The following ADGRB1 variants were observed in gnomAD, a reference collection of about 807,000 sequenced individuals.
The protein encoded by ADGRB1 is adhesion G protein-coupled receptor B1.
In ADGRB1, 36 loss-of-function variants were observed where a neutral mutation model predicts 175.7. That is an observed-to-expected ratio of 0.20 (90% CI 0.16 to 0.27). ADGRB1 has a LOEUF of 0.27. Ranked by LOEUF, ADGRB1 falls within the 10% of genes least tolerant of loss-of-function variation. The pLI is 1.00. For synonymous variants in ADGRB1, 1,054 were observed against 979.4 expected (o/e 1.08, Z -1.42); for missense variants, 1,731 against 2,255.3 (o/e 0.77, Z 4.71).
rs1016775282 is a variant in ADGRB1 at position 142,539,583 on chromosome 8, G to A, written c.3706+170G>A. The A allele has an allele frequency of 5.4e-5, 43 of 802,896 alleles. No homozygotes were observed. In the Middle Eastern group the frequency reaches 1.3e-3, roughly 24 times the overall value. 49.7% of individuals were successfully genotyped at this position (802,896 alleles called of 1,614,324 possible). A position where few individuals can be genotyped will look rare whatever the true frequency, so the allele number is the denominator to read the frequency against. ...ACCTGGACCCAGGGGACCTGCCCTGGGGGCCCAGCCTTCCACCCCCGTCCA... is the reference window on the plus strand; with the variant it reads ...ACCTGGACCCAGGGGACCTGCCCTGAGGGCCCAGCCTTCCACCCCCGTCCA... On this transcript the variant is annotated intron_variant, in intron 27 of 30. Coordinates refer to ENST00000517894, the MANE Select transcript of ADGRB1 (RefSeq NM_001702.3).
At chr8:142,524,717 C>A (rs537887071) in intron 23 of ADGRB1, among the ~76,000 whole-genome samples, 1 of 152,116 alleles carries the variant, frequency 6.6e-6, no homozygotes, top group Non-Finnish European at 1.5e-5. Context: ...CTGGTGACCG[C>A]GGCTGCTTGC....
chr8:142,510,915 GTC>G lies in ADGRB1; in HGVS notation c.2676-16_2676-15del. ...GACGCTCCGCCTGTCTCCCTCCCGT[GTC>G]CCGCCCGCCCCCAGACCCTCCTCCT... On this transcript the variant is annotated splice_polypyrimidine_tract_variant and intron_variant, in intron 17 of 30. Transcript: ENST00000517894. This position sits in a 1 kb window ranked among gnomAD's most constrained non-coding sequence, Gnocchi z 6.3. The G allele has an allele frequency of 9.4e-7, 1 of 1,061,640 alleles. No homozygotes were observed. The highest frequency in any genetic ancestry group is 1.2e-6 in the Non-Finnish European group (1 of 868,658). 65.8% of individuals were successfully genotyped at this position (1,061,640 alleles called of 1,614,324 possible). A position where few individuals can be genotyped will look rare whatever the true frequency, so the allele number is the denominator to read the frequency against.
chr8:142,532,670 T>G (rs796757553), intron 24 of ADGRB1, among the ~76,000 whole-genome samples: 11 of 152,094 alleles, frequency 7.2e-5, no homozygotes, highest in African/African-American at 2.4e-4. Context: ...CCTCTAAGCT[T>G]CTCTCTCTCC....
intron 27 of ADGRB1, among the ~76,000 whole-genome samples, chr8:142,541,400 G>C (rs954677100): frequency 6.6e-6 from 1 of 152,150 alleles, no homozygotes; most frequent in Admixed American, 6.5e-5. Flanking sequence ...CCTCAGGGCA[G>C]AGCAGGGAGG....
At chr8:142,535,699 T>C (rs1356082996) in intron 25 of ADGRB1, among the ~76,000 whole-genome samples, 1 of 151,960 alleles carries the variant, frequency 6.6e-6, no homozygotes, top group East Asian at 1.9e-4. Flanking sequence ...GGCTCGGGTG[T>C]TCCTGGAGAG....
chr8:142,526,515 A>ACC, intron 23 of ADGRB1, 27 bp from the exon 24 acceptor site: 2 of 555,460 alleles, frequency 3.6e-6, no homozygotes, highest in Non-Finnish European at 5.2e-6. Flanking sequence ...CCCCACCCCC[A>ACC]CACCCCCACC....
In ADGRB1 at chr8:142,543,812, A is replaced by G. The variant is rs1845429787; in HGVS notation, c.4557+104A>G. 8 of 1,140,300 alleles carry G rather than the reference A, an allele frequency of 7.0e-6. No homozygotes were observed. The South Asian group carries it at 9.6e-5, about 14-fold the overall frequency. The allele number at this position is 1,140,300 out of a possible 1,614,324, so 70.6% of individuals were successfully genotyped here. On this transcript the variant is annotated intron_variant, in intron 30 of 30. Coordinates refer to ENST00000517894, the MANE Select transcript of ADGRB1 (RefSeq NM_001702.3). This position sits in a 1 kb window ranked among gnomAD's most constrained non-coding sequence, Gnocchi z 4.4. Reference sequence around the variant, plus strand: ...ACTTCATCCATCCATCCATCCATCCATCCATTCGTTCATTCATTCATTCAT... The same window carrying G: ...ACTTCATCCATCCATCCATCCATCCGTCCATTCGTTCATTCATTCATTCAT...
chr8:142,471,050 G>A (rs1840635539), intron 2 of ADGRB1, among the ~76,000 whole-genome samples: 1 of 152,190 alleles, frequency 6.6e-6, no homozygotes, highest in South Asian at 2.1e-4. Context: ...TGGTGACAGG[G>A]AGCACCGAGG....
intron 1 of ADGRB1, among the ~76,000 whole-genome samples, 173 bp downstream of exon 1, chr8:142,450,277 C>G (rs1839260462): frequency 1.3e-5 from 2 of 151,574 alleles, no homozygotes; most frequent in Admixed American, 6.6e-5. Context: ...ACCCCCTACC[C>G]CCTCAGCCCC....
At chr8:142,489,814 C>T (rs1384568597) in intron 16 of ADGRB1, among the ~76,000 whole-genome samples, 5 of 152,128 alleles carry the variant, frequency 3.3e-5, no homozygotes, top group Admixed American at 1.3e-4. Flanking sequence ...CTGCCGGCAC[C>T]GCCAGGACTG....
At chr8:142,477,671 A>C (rs1462615278) in intron 6 of ADGRB1, 122 bp downstream of exon 6, 2 of 1,314,512 alleles carry the variant, frequency 1.5e-6, no homozygotes, top group African/African-American at 3.0e-5. Flanking sequence ...GGGTGCTCAG[A>C]GGTTGGAACC....
chr8:142,530,591 G>A (rs1329451110), intron 24 of ADGRB1, among the ~76,000 whole-genome samples: 1 of 152,208 alleles, frequency 6.6e-6, no homozygotes, highest in Non-Finnish European at 1.5e-5. Flanking sequence ...TCGGGGCGAG[G>A]CTAGCCTGGG....
intron 25 of ADGRB1, 34 bp downstream of exon 25, chr8:142,533,500 T>G (rs1280225634): frequency 6.4e-7 from 1 of 1,559,862 alleles, no homozygotes; most frequent in Admixed American, 1.8e-5. Flanking sequence ...GCCGGGCTCC[T>G]GCGGGGTCCT....
chr8:142,496,743 G>A (rs757914484), intron 17 of ADGRB1, among the ~76,000 whole-genome samples: 2 of 152,154 alleles, frequency 1.3e-5, no homozygotes, highest in Non-Finnish European at 2.9e-5. Flanking sequence ...AGTACAAGCC[G>A]GGCCACAGAC....
rs981635413 is a variant in ADGRB1 at position 142,543,923 on chromosome 8, T to C, written c.4557+215T>C. Among the ~76,000 whole-genome samples, 3 of 152,122 alleles carry C rather than the reference T, an allele frequency of 2.0e-5. No individual in the cohort carries two copies. The highest frequency in any genetic ancestry group is 1.5e-5 in the Non-Finnish European group (1 of 68,012). ...ACTGGGAGCTGAGCGGTCACGAGCC[T>C]GCTCCTGGGGCCAGGGGTCTGGATT... is the stretch of plus-strand genomic sequence containing the variant. On this transcript the variant is annotated intron_variant, in intron 30 of 30. Coordinates refer to ENST00000517894, the MANE Select transcript of ADGRB1 (RefSeq NM_001702.3). This position sits in a 1 kb window ranked among gnomAD's most constrained non-coding sequence, Gnocchi z 4.4.
chr8:142,453,459 C>T (rs1206788752), intron 1 of ADGRB1, among the ~76,000 whole-genome samples: 1 of 152,138 alleles, frequency 6.6e-6, no homozygotes, highest in African/African-American at 2.4e-5. Flanking sequence ...ATTGTTAACC[C>T]CTCCGGGCCC....
chr8:142,457,807 C>T (rs918579816), intron 1 of ADGRB1, among the ~76,000 whole-genome samples: 5 of 152,168 alleles, frequency 3.3e-5, no homozygotes, highest in African/African-American at 1.2e-4. Context: ...TGGCTCTGAA[C>T]CCCTGAGACA....
intron 17 of ADGRB1, among the ~76,000 whole-genome samples, chr8:142,499,766 A>G (rs1842400482): frequency 6.6e-6 from 1 of 152,152 alleles, no homozygotes; most frequent in South Asian, 2.1e-4. Flanking sequence ...CAGAGATGGA[A>G]TAGCTGGGGG....
rs576776295 is a variant in ADGRB1, at chr8:142,519,684, G to C, written c.2922-1139G>C. Among the ~76,000 whole-genome samples the C allele has an allele frequency of 6.2e-5, 8 of 128,740 alleles. No homozygotes were observed. The Admixed American group carries it at 6.5e-4, about 11-fold the overall frequency. The allele number at this position is 128,740 out of a possible 152,430, so 84.5% of individuals were successfully genotyped here. A position where few individuals can be genotyped will look rare whatever the true frequency, so the allele number is the denominator to read the frequency against. On this transcript the variant is annotated intron_variant, in intron 19 of 30. Transcript: ENST00000517894. Reference sequence around the variant, plus strand: ...GATGATGGTAGTGGTGGTGATGGTGGTAGTGGTGGTTGTGATGGTGTTGGT... The same window carrying C: ...GATGATGGTAGTGGTGGTGATGGTGCTAGTGGTGGTTGTGATGGTGTTGGT...
Sources: allele counts gnomAD v4.1 joint callset (sites outside exome capture counted in the v4.1 genomes callset), GRCh38; gene constraint gnomAD v4.1.1; non-coding constraint Gnocchi (gnomAD v3.1); transcripts MANE v1.5; gene names NCBI Gene and HGNC (gene_info 2026-07-23, HGNC 2026-07-21).